Variants in DOCK1 observed in about 807,000 individuals in gnomAD.
DOCK1 encodes the protein dedicator of cytokinesis 1, also known as dedicator of cytokinesis protein 1.
Under a neutral mutation model 262.7 loss-of-function variants are expected in DOCK1, and 138 were observed. The ratio of observed to expected loss-of-function variants is 0.53; its 90% CI spans 0.46 to 0.61. DOCK1 has a LOEUF of 0.61. Among genes scored for constraint, DOCK1 ranks in the 20% least tolerant of loss-of-function variants. The pLI, the probability that DOCK1 is intolerant of heterozygous loss-of-function variation, is 0.00. For missense variants in DOCK1, 1,908 were observed against 2,370.7 expected (o/e 0.80, Z 4.05); for synonymous variants, 866 against 867.4 (o/e 1.00, Z 0.03).
chr10:127,351,278 A>G (rs2063867068), intron 31 of DOCK1, among the ~76,000 whole-genome samples: 1 of 151,766 alleles, frequency 6.6e-6, no homozygotes, highest in African/African-American at 2.4e-5. Flanking sequence ...CTCTGGGCAG[A>G]GCACGGTGAC....
At chr10:127,195,183 G>A (rs758579013) in intron 27 of DOCK1, among the ~76,000 whole-genome samples, 97 of 152,192 alleles carry the variant, frequency 6.4e-4, no homozygotes, top group Non-Finnish European at 3.1e-4. Context: ...CTGGAGCCCT[G>A]AGCATGAACC....
At chr10:126,909,415 T>A (rs1307995249) in intron 1 of DOCK1, among the ~76,000 whole-genome samples, 1 of 152,142 alleles carries the variant, frequency 6.6e-6, no homozygotes, top group Non-Finnish European at 1.5e-5. Flanking sequence ...ATAATACATT[T>A]GTGTGGTTTT....
At chr10:127,187,153 T>G (rs1413079584) in intron 27 of DOCK1, among the ~76,000 whole-genome samples, 1 of 152,260 alleles carries the variant, frequency 6.6e-6, no homozygotes, top group East Asian at 1.9e-4. Context: ...ACCCAACACA[T>G]AACACATTAA....
intron 27 of DOCK1, among the ~76,000 whole-genome samples, chr10:127,188,590 T>C (rs2489382): frequency 0.26 from 39,982 of 151,994 alleles, 5,638 homozygotes; most frequent in East Asian, 0.54. Flanking sequence ...CATGCTACCA[T>C]GGTTTGCTAA....
intron 13 of DOCK1, chr10:127,019,096 G>C (rs1396058444): frequency 4.3e-6 from 2 of 469,308 alleles, no homozygotes; most frequent in South Asian, 7.7e-5. Context: ...TGGGCACCCA[G>C]CAAATGTCTG....
At chr10:127,260,878 T>TGTGC (rs1273086491) in intron 29 of DOCK1, among the ~76,000 whole-genome samples, 3 of 147,066 alleles carry the variant, frequency 2.0e-5, no homozygotes, top group East Asian at 4.2e-4. Context: ...TGCATGTGTG[T>TGTGC]GTGTGTGTAC....
intron 10 of DOCK1, among the ~76,000 whole-genome samples, chr10:127,002,018 A>G (rs1273742954): frequency 2.0e-5 from 3 of 152,110 alleles, no homozygotes; most frequent in African/African-American, 7.2e-5. Flanking sequence ...CCGTGCTAAC[A>G]TTTTCATGTC....
intron 27 of DOCK1, among the ~76,000 whole-genome samples, chr10:127,160,984 AT>A (rs2053546641): frequency 6.6e-6 from 1 of 152,218 alleles, no homozygotes; most frequent in Admixed American, 6.5e-5. Context: ...GCATAAAATG[AT>A]ACCACCACTA....
chr10:127,284,457 AAGTTGATTTTTTAAATTG>A (rs1166588763), intron 29 of DOCK1, among the ~76,000 whole-genome samples: 1 of 152,180 alleles, frequency 6.6e-6, no homozygotes, highest in African/African-American at 2.4e-5. Flanking sequence ...AAATGCATGT[AAGTTGATTTTTTAAATTG>A]CAACTAGTTA....
At chr10:127,106,787 A>G (rs915438626) in intron 24 of DOCK1, among the ~76,000 whole-genome samples, 1 of 152,092 alleles carries the variant, frequency 6.6e-6, no homozygotes, top group African/African-American at 2.4e-5. Flanking sequence ...AAACTTTGAG[A>G]AAGCTGGTCA....
At position 127,176,061 on chromosome 10, in the gene DOCK1, T is replaced by C. The variant is rs748631088; in HGVS notation, c.2847+48297T>C. 12 of 1,614,168 alleles carry C rather than the reference T, an allele frequency of 7.4e-6. No homozygotes were observed. The East Asian group carries it at 1.6e-4, about 21-fold the overall frequency. On this transcript the variant is annotated intron_variant, in intron 27 of 51. Coordinates refer to ENST00000623213, the MANE Select transcript of DOCK1 (RefSeq NM_001290223.2). This position sits in a 1 kb window ranked among gnomAD's most constrained non-coding sequence, Gnocchi z 4.4. ...CAGAGGGAACGTCTGGTAACACTTCTTAAGGTCGGGCGAGGTCTGCACGCC... is the reference window on the plus strand; with the variant it reads ...CAGAGGGAACGTCTGGTAACACTTCCTAAGGTCGGGCGAGGTCTGCACGCC...
intron 8 of DOCK1, among the ~76,000 whole-genome samples, chr10:126,998,980 G>T (rs2040402936): frequency 6.6e-6 from 1 of 152,044 alleles, no homozygotes; most frequent in South Asian, 2.1e-4. Flanking sequence ...CTTGACATAG[G>T]ATGCAGTTTT....
Position 127,452,311 on chromosome 10 carries a change from C to CAA in DOCK1, c.*885_*886insAA, listed in dbSNP as rs1282696625. ...TAACTGCTGGAAGTGTTAAAACACA[C>CAA]ACACACACACACACACATTTTTTTT... On this transcript the variant is annotated 3_prime_UTR_variant, in exon 52 of 52. Coordinates refer to ENST00000623213, the MANE Select transcript of DOCK1 (RefSeq NM_001290223.2). 3 of 152,010 alleles carry CAA rather than the reference C, an allele frequency of 2.0e-5. No homozygotes were observed. The South Asian group carries it at 6.3e-4, about 32-fold the overall frequency. The allele number at this position is 152,010 out of a possible 1,614,324, so 9.4% of individuals were successfully genotyped here. A position where few individuals can be genotyped will look rare whatever the true frequency, so the allele number is the denominator to read the frequency against.
intron 27 of DOCK1, among the ~76,000 whole-genome samples, chr10:127,245,319 C>T (rs1189167073): frequency 1.3e-5 from 2 of 152,356 alleles, no homozygotes; most frequent in East Asian, 1.9e-4. Flanking sequence ...AAAGACTGAA[C>T]GATGCACATG....
At position 126,995,577 on chromosome 10, in the gene DOCK1, C is replaced by T. The variant is rs1366441519; in HGVS notation, c.474-1171C>T. Among the ~76,000 whole-genome samples, 4 of 152,132 alleles carry T rather than the reference C, an allele frequency of 2.6e-5. No individual in the cohort carries two copies. The highest frequency in any genetic ancestry group is 4.4e-5 in the Non-Finnish European group (3 of 68,036). On this transcript the variant is annotated intron_variant, in intron 6 of 51. Coordinates refer to ENST00000623213, the MANE Select transcript of DOCK1 (RefSeq NM_001290223.2). This position sits in a 1 kb window ranked among gnomAD's most constrained non-coding sequence, Gnocchi z 5.8. ...ATCAGGCAGGGAGGCTGCAGTGAGC[C>T]GAGATGGCGGCAGTACAGTCCAGCC...
chr10:127,017,178 A>G (rs1280538120), intron 12 of DOCK1, among the ~76,000 whole-genome samples: 2 of 95,840 alleles, frequency 2.1e-5, no homozygotes, highest in Non-Finnish European at 4.4e-5. Context: ...ACACACACAG[A>G]TACACCACAC....
At chr10:126,980,437 G>C (rs1166649373) in intron 3 of DOCK1, among the ~76,000 whole-genome samples, 1 of 152,278 alleles carries the variant, frequency 6.6e-6, no homozygotes, top group South Asian at 2.1e-4. Context: ...CTCCTAGGCT[G>C]AAGTGATCCT....
intron 27 of DOCK1, among the ~76,000 whole-genome samples, chr10:127,239,357 C>G (rs1202853226): frequency 6.6e-6 from 1 of 152,094 alleles, no homozygotes; most frequent in African/African-American, 2.4e-5. Context: ...TTCAAAGTAT[C>G]TTTTATTCTC....
rs150611651 is a variant in DOCK1 at position 127,423,400 on chromosome 10, T to G, written c.4777-2474T>G. Among the ~76,000 whole-genome samples the G allele has an allele frequency of 7.0e-3, 1,071 of 152,300 alleles. 7 individuals are homozygous for G. The highest frequency in any genetic ancestry group is 0.012 in the Non-Finnish European group (797 of 68,026). ...CAGGCAGCTCCTCCTCAGCCCTGCT[T>G]GCTGCCTCAGAAACAGAGGATGGGC... On this transcript the variant is annotated intron_variant, in intron 46 of 51. Transcript: ENST00000623213.
Sources: gnomAD v4.1 joint callset for allele counts (sites outside exome capture counted in the v4.1 genomes callset) on GRCh38, gnomAD v4.1.1 for gene constraint, Gnocchi (gnomAD v3.1) non-coding constraint, MANE v1.5 for transcripts, NCBI Gene and HGNC (gene_info 2026-07-23, HGNC 2026-07-21) for gene names.